SP110: variants seen among roughly 807,000 people sequenced by gnomAD.
The protein encoded by SP110 is SP110 nuclear body protein.
In SP110, 62 loss-of-function variants were observed where a neutral mutation model predicts 92.7. The ratio of observed to expected loss-of-function variants is 0.67; its 90% CI spans 0.55 to 0.83. The LOEUF (loss-of-function observed/expected upper bound fraction) is 0.83. SP110 is among the 40% of genes least tolerant of loss of function. The pLI, the probability that SP110 is intolerant of heterozygous loss-of-function variation, is 0.00. For missense variants in SP110, 793 were observed against 863.9 expected, an observed-to-expected ratio of 0.92 and a Z score of 1.03; for synonymous variants, 273 against 305.3, an observed-to-expected ratio of 0.89 and a Z score of 1.10.
At chr2:230,199,149 T>TTA (rs1491294316) in intron 10 of SP110, among the ~76,000 whole-genome samples, 6 of 96,294 alleles carry the variant, frequency 6.2e-5, no homozygotes, top group African/African-American at 4.3e-4. Context: ...ATTATTATTA[T>TTA]TTTTTTTTTT....
At chr2:230,203,446 T>G (rs560297041) in intron 8 of SP110, 1 of 152,774 alleles carries the variant, frequency 6.5e-6, no homozygotes, top group East Asian at 1.9e-4. Flanking sequence ...TGCGGTGATA[T>G]CCGCAGGCCA....
chr2:230,175,917 T>G (rs6749579), intron 14 of SP110, among the ~76,000 whole-genome samples: 21,722 of 151,838 alleles, frequency 0.14, 1,716 homozygotes, highest in Middle Eastern at 0.23. Flanking sequence ...TTCAATGCCT[T>G]TTCTTTTGCT....
At chr2:230,208,121 T>C (rs2044080804) in intron 7 of SP110, 62 bp from the exon 8 acceptor site, 2 of 962,174 alleles carry the variant, frequency 2.1e-6, no homozygotes, top group Non-Finnish European at 3.3e-6. Context: ...TGTATGTCAA[T>C]GATATTCAGC....
chr2:230,208,559 T>C (rs1394899048), intron 7 of SP110, among the ~76,000 whole-genome samples: 1 of 152,180 alleles, frequency 6.6e-6, no homozygotes, highest in East Asian at 1.9e-4. Flanking sequence ...AAGGGGATTC[T>C]CATCTGATAT....
At chr2:230,193,612 A>C (rs536554664) in intron 10 of SP110, among the ~76,000 whole-genome samples, 1 of 152,358 alleles carries the variant, frequency 6.6e-6, no homozygotes, top group African/African-American at 2.4e-5. Context: ...CTTCATTCAT[A>C]AAACTTAGCT....
chr2:230,215,047 C>T lies in SP110; in HGVS notation c.219G>A (p.Glu73=). The T allele has an allele frequency of 6.2e-7, 1 of 1,613,608 alleles. No individual in the cohort carries two copies. Among genetic ancestry groups the T allele is most frequent in the Non-Finnish European group, 8.5e-7 (1 of 1,179,532 alleles). ...CCAGAAGAGACAGGTTAAAAGTCCT[C>T]TCCAGTTGGGTGAGAATGTTGTGCA... The part of the protein sequence containing the change: ...RVVHNILTQL[E]RTFNLSLLVT... Residue 73 remains glutamate, a synonymous_variant, in exon 3 of 19, where the codon GAG becomes GAA. Transcript: ENST00000258381.
At chr2:230,198,242 A>ATGGGCTCTTACAT (rs2042969995) in intron 10 of SP110, among the ~76,000 whole-genome samples, 3 of 152,024 alleles carry the variant, frequency 2.0e-5, no homozygotes, top group Non-Finnish European at 2.9e-5. Flanking sequence ...GAATGTGGAG[A>ATGGGCTCTTACAT]GCTGCAATGG....
chr2:230,173,230 G>A, intron 14 of SP110: 1 of 417,834 alleles, frequency 2.4e-6, no homozygotes. Context: ...GAGCTGTGCT[G>A]CTGCCTGCTG....
chr2:230,221,866 C>T (rs1218251420), upstream of SP110: 11 of 770,106 alleles, frequency 1.4e-5, no homozygotes, highest in East Asian at 2.7e-4. Context: ...AATGTCAAAT[C>T]AGGCAAAAAT....
In SP110 at chr2:230,193,269, A is replaced by AGAT. The variant is rs2042718213; in HGVS notation, c.1130-7129_1130-7127dup. Among the ~76,000 whole-genome samples, 7 of 152,322 alleles carry AGAT rather than the reference A, an allele frequency of 4.6e-5. 1 individual carries two copies. The South Asian group carries it at 1.5e-3, about 32-fold the overall frequency. ...CTTGTGTGTTAAGTGAGTCTCTTGA[A>AGAT]GATAGCAGATATTTGGTTTGTGATT... On this transcript the variant is annotated intron_variant, in intron 10 of 18. Coordinates refer to ENST00000258381, the MANE Select transcript of SP110 (RefSeq NM_080424.4).
At chr2:230,212,274 C>T (rs1412342135) in intron 5 of SP110, 73 bp downstream of exon 5, 9 of 1,135,068 alleles carry the variant, frequency 7.9e-6, no homozygotes, top group Non-Finnish European at 1.3e-6. Flanking sequence ...ACCATAGCCT[C>T]TTGGTTGGCA....
In SP110 at chr2:230,211,547, C is replaced by A. The variant is rs199743367; in HGVS notation, c.674G>T (p.Ser225Ile). 1.6e-5 allele frequency: 26 copies of A among 1,602,268 alleles called. No individual in the cohort carries two copies. The highest frequency in any genetic ancestry group is 2.2e-5 in the Non-Finnish European group (26 of 1,169,368). The change falls in exon 6 of 19, where the codon AGT (serine) becomes ATT (isoleucine). Residue 225 changes from serine to isoleucine, a missense_variant. Physicochemically the swap from Ser to Ile is moderately radical, Grantham distance 142. Coordinates refer to ENST00000258381, the MANE Select transcript of SP110 (RefSeq NM_080424.4). This position sits in a 1 kb window ranked among gnomAD's most constrained non-coding sequence, Gnocchi z 4.2. Reference protein sequence around the residue: ...SLLTSTVQVASDNLIPQIRDK... With the variant: ...SLLTSTVQVAIDNLIPQIRDK... ...TCTTATTTGGGGGATCAGGTTGTCA[C>A]TGGCCACTGAATGGAGGAAGAAAAA... is the stretch of plus-strand genomic sequence containing the variant.
intron 10 of SP110, 66 bp from the exon 11 acceptor site, chr2:230,186,209 T>G: frequency 6.8e-7 from 1 of 1,478,262 alleles, no homozygotes; most frequent in Non-Finnish European, 9.4e-7. Flanking sequence ...CCCTACCCTT[T>G]CAGGAGTTAT....
At chr2:230,205,826 G>A (rs1009424204) in intron 8 of SP110, among the ~76,000 whole-genome samples, 2 of 152,218 alleles carry the variant, frequency 1.3e-5, no homozygotes, top group African/African-American at 2.4e-5. Flanking sequence ...CTGAGTTGAA[G>A]ACGTAGAGTT....
At position 230,212,940 on chromosome 2, in the gene SP110, G is replaced by C; in HGVS notation, c.404C>G (p.Thr135Ser). 1.2e-6 allele frequency: 2 copies of C among 1,614,056 alleles called. No individual in the cohort carries two copies. The highest frequency in any genetic ancestry group is 2.2e-5 in the South Asian group (2 of 91,082). Residue 135 changes from threonine to serine, a missense_variant, in exon 4 of 19, where the codon ACC (threonine) becomes AGC (serine). Transcript: ENST00000258381. The stretch of plus-strand genomic sequence containing the variant: ...TTGTGGTGGGGGCAGCGCCAGTGGG[G>C]TATGGAGGGAGCTTCCTTCTGCTAG... ...TGLAEGSSLH[T>S]PLALPPPQPP...
chr2:230,174,574 T>A (rs2041766170), intron 14 of SP110, among the ~76,000 whole-genome samples: 1 of 152,132 alleles, frequency 6.6e-6, no homozygotes, highest in South Asian at 2.1e-4. Context: ...CAAAAGCTGT[T>A]CTCCTCAGCC....
At chr2:230,190,696 C>A (rs79298364) in intron 10 of SP110, among the ~76,000 whole-genome samples, 1 of 152,084 alleles carries the variant, frequency 6.6e-6, no homozygotes, top group African/African-American at 2.4e-5. Flanking sequence ...TTGGGTTTTA[C>A]ATTTAAGTCT....
intron 3 of SP110, among the ~76,000 whole-genome samples, chr2:230,213,494 CAG>C (rs1316084806): frequency 7.9e-5 from 12 of 152,182 alleles, no homozygotes; most frequent in Admixed American, 3.3e-4. Context: ...CTCATTTCTG[CAG>C]AGTCAGCTTC....
upstream of SP110, chr2:230,221,753 G>A: frequency 6.5e-7 from 1 of 1,535,046 alleles, no homozygotes. Flanking sequence ...GGCATCTGAG[G>A]ATCCTGGCAG....
Sources: allele counts gnomAD v4.1 joint callset (sites outside exome capture counted in the v4.1 genomes callset), GRCh38; gene constraint gnomAD v4.1.1; non-coding constraint Gnocchi (gnomAD v3.1); transcripts MANE v1.5; gene names NCBI Gene and HGNC (gene_info 2026-07-23, HGNC 2026-07-21).